The following TAFA5 variants were observed in gnomAD, a reference collection of about 807,000 sequenced individuals.
TAFA5 encodes the protein chemokine-like protein TAFA-5.
A neutral mutation model predicts 15.3 loss-of-function variants in TAFA5; 6 were observed. The ratio of observed to expected loss-of-function variants is 0.39; its 90% CI spans 0.21 to 0.77. TAFA5 has a LOEUF of 0.77. Among genes scored for constraint, TAFA5 ranks in the 30% least tolerant of loss-of-function variants. TAFA5 has a pLI of 0.41. For synonymous variants in TAFA5, 103 were observed against 80.7 expected (o/e 1.28, Z -1.48); for missense variants, 161 against 193.1 (o/e 0.83, Z 0.98).
intron 1 of TAFA5, among the ~76,000 whole-genome samples, chr22:48,590,652 G>A (rs770399395): frequency 1.4e-4 from 21 of 152,222 alleles, no homozygotes; most frequent in South Asian, 4.2e-4. Flanking sequence ...AGAGCCCACC[G>A]GCTGGTGTAC....
intron 3 of TAFA5, among the ~76,000 whole-genome samples, chr22:48,724,282 T>C (rs910564374): frequency 2.6e-5 from 4 of 152,218 alleles, no homozygotes; most frequent in African/African-American, 9.6e-5. Context: ...TGGCACTGTG[T>C]AGTCATGGCC....
intron 2 of TAFA5, among the ~76,000 whole-genome samples, chr22:48,663,986 A>T (rs1412721481): frequency 6.6e-6 from 1 of 152,236 alleles, no homozygotes; most frequent in Non-Finnish European, 1.5e-5. Context: ...AAAGGAAAAA[A>T]ATCACATGCT....
At chr22:48,683,764 A>G (rs130103) in intron 2 of TAFA5, among the ~76,000 whole-genome samples, 129,798 of 152,250 alleles carry the variant, frequency 0.85, 55,764 homozygotes, top group African/African-American at 0.89. Flanking sequence ...TAATCCCCAC[A>G]TGTCGAGGGA....
chr22:48,705,339 C>T (rs1022267521), intron 2 of TAFA5, among the ~76,000 whole-genome samples: 3 of 152,212 alleles, frequency 2.0e-5, no homozygotes, highest in Admixed American at 6.5e-5. Context: ...TCAGACTCCT[C>T]TCCACTGCAG....
At chr22:48,696,406 C>T (rs1928714119) in intron 2 of TAFA5, among the ~76,000 whole-genome samples, 1 of 152,196 alleles carries the variant, frequency 6.6e-6, no homozygotes, top group Non-Finnish European at 1.5e-5. Context: ...CCATCCTTCC[C>T]TCCTTTCCTC....
intron 1 of TAFA5, among the ~76,000 whole-genome samples, chr22:48,512,997 A>G (rs1466554871): frequency 1.3e-5 from 2 of 152,052 alleles, no homozygotes; most frequent in Non-Finnish European, 2.9e-5. Context: ...AACATTTGAA[A>G]TAAGGATGGT....
intron 1 of TAFA5, among the ~76,000 whole-genome samples, chr22:48,603,526 C>G (rs1925051218): frequency 6.6e-6 from 1 of 152,196 alleles, no homozygotes; most frequent in Non-Finnish European, 1.5e-5. Context: ...AGAGGAGCCA[C>G]TACAGGGCCC....
intron 2 of TAFA5, among the ~76,000 whole-genome samples, chr22:48,699,834 C>A (rs1230829778): frequency 6.6e-6 from 1 of 152,216 alleles, no homozygotes; most frequent in Non-Finnish European, 1.5e-5. Context: ...TGATGAACTG[C>A]TCTGAGACGG....
In TAFA5 at chr22:48,489,811, C is replaced by T; in HGVS notation, c.112+107C>T. ...GCCTCCCGGAGTCGGCGCGGAGTTA[C>T]GAGCGCCGGGCGCATGGTCCCCCGA... On this transcript the variant is annotated intron_variant, in intron 1 of 3. Coordinates refer to ENST00000402357, the MANE Select transcript of TAFA5 (RefSeq NM_001082967.3). This position sits in a 1 kb window ranked among gnomAD's most constrained non-coding sequence, Gnocchi z 5.5. 1 of 600,080 alleles carries T rather than the reference C, an allele frequency of 1.7e-6. No individual in the cohort carries two copies. Among genetic ancestry groups the T allele is most frequent in the Non-Finnish European group, 2.5e-6 (1 of 397,222 alleles). The allele number at this position is 600,080 out of a possible 1,614,324, so 37.2% of individuals were successfully genotyped here. A position where few individuals can be genotyped will look rare whatever the true frequency, so the allele number is the denominator to read the frequency against.
intron 1 of TAFA5, among the ~76,000 whole-genome samples, chr22:48,583,944 CCAT>C (rs1924215365): frequency 6.8e-6 from 1 of 147,936 alleles, no homozygotes; most frequent in East Asian, 2.1e-4. Context: ...ACACCACACA[CCAT>C]ACACACACCA....
At chr22:48,507,712 G>A (rs578139853) in intron 1 of TAFA5, among the ~76,000 whole-genome samples, 9 of 152,260 alleles carry the variant, frequency 5.9e-5, no homozygotes, top group African/African-American at 1.7e-4. Context: ...GGGAGAGCGG[G>A]CTGGAAACAC....
intron 3 of TAFA5, among the ~76,000 whole-genome samples, chr22:48,719,280 G>A (rs527381246): frequency 1.3e-5 from 2 of 152,322 alleles, no homozygotes; most frequent in Admixed American, 6.5e-5. Context: ...CTCGGGTGAG[G>A]TGGCACGTCC....
At chr22:48,597,135 A>AT (rs1187204911) in intron 1 of TAFA5, among the ~76,000 whole-genome samples, 7 of 152,242 alleles carry the variant, frequency 4.6e-5, no homozygotes. Context: ...AAAAAATAGC[A>AT]TTCATGTAAA....
rs1264776536 is a variant in TAFA5, at chr22:48,751,031, G to A, written c.*1184G>A. On this transcript the variant is annotated 3_prime_UTR_variant, in exon 4 of 4. Coordinates refer to ENST00000402357, the MANE Select transcript of TAFA5 (RefSeq NM_001082967.3). ...GGGACTCTGGGAGAAGCGTGCGGAG[G>A]ACCGTGGCGTCGGCGTCCCGGATGT... The A allele has an allele frequency of 6.6e-6, 1 of 152,354 alleles. No homozygotes were observed. The highest frequency in any genetic ancestry group is 1.5e-5 in the Non-Finnish European group (1 of 68,046). The allele number at this position is 152,354 out of a possible 1,614,324, so 9.4% of individuals were successfully genotyped here.
At chr22:48,724,994 CTG>C (rs1181464762) in intron 3 of TAFA5, among the ~76,000 whole-genome samples, 4 of 152,250 alleles carry the variant, frequency 2.6e-5, no homozygotes, top group African/African-American at 9.6e-5. Context: ...GCACCAGGAA[CTG>C]TGTTCTTCCG....
At chr22:48,685,808 C>T (rs1052816666) in intron 2 of TAFA5, among the ~76,000 whole-genome samples, 25 of 152,278 alleles carry the variant, frequency 1.6e-4, no homozygotes, top group African/African-American at 6.0e-4. Context: ...GCATGTACAC[C>T]TGTTGCCGGC....
intron 1 of TAFA5, chr22:48,546,463 A>G (rs1387443794): frequency 2.1e-6 from 1 of 470,418 alleles, no homozygotes; most frequent in South Asian, 1.6e-5. Context: ...TTGTGGGGGA[A>G]AGAATCCCCT....
At chr22:48,535,380 A>T (rs9626840) in intron 1 of TAFA5, among the ~76,000 whole-genome samples, 6,049 of 152,324 alleles carry the variant, frequency 0.04, 366 homozygotes, top group African/African-American at 0.14. Context: ...TGGCCTTAGA[A>T]GAAATGTCTG....
chr22:48,563,345 G>C, intron 1 of TAFA5, among the ~76,000 whole-genome samples: 1 of 152,182 alleles, frequency 6.6e-6, no homozygotes, highest in Non-Finnish European at 1.5e-5. Context: ...CTGTCCTCCA[G>C]TGGGGACCAC....
Sources: gnomAD v4.1 joint callset for allele counts (sites outside exome capture counted in the v4.1 genomes callset) on GRCh38, gnomAD v4.1.1 for gene constraint, Gnocchi (gnomAD v3.1) non-coding constraint, MANE v1.5 for transcripts, NCBI Gene and HGNC (gene_info 2026-07-23, HGNC 2026-07-21) for gene names.